The following SLC27A2 variants were observed in gnomAD, a reference collection of about 807,000 sequenced individuals.
SLC27A2 encodes the protein solute carrier family 27 member 2.
A neutral mutation model predicts 60.0 loss-of-function variants in SLC27A2; 54 were observed. The observed-to-expected ratio is 0.90, with a 90% CI of 0.72 to 1.13. The LOEUF (loss-of-function observed/expected upper bound fraction) is 1.13. Among genes scored for constraint, SLC27A2 ranks in the 50% most tolerant of loss-of-function variants. The pLI is 0.00. For synonymous variants in SLC27A2, 297 were observed against 297.6 expected (o/e 1.00, Z 0.02); for missense variants, 739 against 777.6 (o/e 0.95, Z 0.59).
At chr15:50,189,675 G>A (rs2044957815) in intron 1 of SLC27A2, among the ~76,000 whole-genome samples, 1 of 152,128 alleles carries the variant, frequency 6.6e-6, no homozygotes, top group African/African-American at 2.4e-5. Flanking sequence ...TCTGAATCAG[G>A]TGTTGTTATT....
chr15:50,196,079 T>TAA (rs1567428414), intron 1 of SLC27A2, among the ~76,000 whole-genome samples: 2 of 6,136 alleles, frequency 3.3e-4, no homozygotes, highest in Non-Finnish European at 5.2e-4. Context: ...AAAAAAAAAA[T>TAA]ATATATATAT....
At chr15:50,197,767 A>G in intron 2 of SLC27A2, 58 bp downstream of exon 2, 1 of 1,282,622 alleles carries the variant, frequency 7.8e-7, no homozygotes, top group Non-Finnish European at 1.1e-6. Flanking sequence ...AAATGTTGAC[A>G]CAGGTTTTCA....
At chr15:50,202,461 A>G in intron 2 of SLC27A2, 26 bp from the exon 3 acceptor site, 1 of 1,613,276 alleles carries the variant, frequency 6.2e-7, no homozygotes, top group Non-Finnish European at 8.5e-7. Flanking sequence ...TGGTTAACTC[A>G]TGCCTTCTCT....
intron 1 of SLC27A2, among the ~76,000 whole-genome samples, chr15:50,186,155 G>T (rs2140893611): frequency 6.6e-6 from 1 of 152,212 alleles, no homozygotes; most frequent in Middle Eastern, 3.4e-3. Flanking sequence ...GAGGTGAAAG[G>T]ATTGCTTGAG....
chr15:50,204,569 T>G (rs2045094204), intron 3 of SLC27A2, among the ~76,000 whole-genome samples: 2 of 151,530 alleles, frequency 1.3e-5, no homozygotes, highest in Non-Finnish European at 2.9e-5. Context: ...CCTTCTCTAC[T>G]AAAAATACAA....
chr15:50,225,866 G>A, intron 5 of SLC27A2, 122 bp from the exon 6 acceptor site: 1 of 576,452 alleles, frequency 1.7e-6, no homozygotes. Context: ...GCAGTTTTAA[G>A]GGTATATGCA....
chr15:50,215,031 G>A (rs2045184784), intron 4 of SLC27A2, among the ~76,000 whole-genome samples: 1 of 152,116 alleles, frequency 6.6e-6, no homozygotes, highest in South Asian at 2.1e-4. Context: ...AACTGTCACT[G>A]CTTGCTGACG....
At chr15:50,206,708 G>A (rs1279831049) in intron 4 of SLC27A2, among the ~76,000 whole-genome samples, 2 of 152,158 alleles carry the variant, frequency 1.3e-5, no homozygotes, top group East Asian at 1.9e-4. Context: ...CCGCATATGA[G>A]CAGGGGCTCT....
intron 3 of SLC27A2, among the ~76,000 whole-genome samples, chr15:50,204,459 T>C (rs371335849): frequency 8.6e-4 from 128 of 148,444 alleles, no homozygotes; most frequent in South Asian, 5.6e-3. Flanking sequence ...CCGGGCCAGG[T>C]ACGGTGGCTC....
intron 2 of SLC27A2, among the ~76,000 whole-genome samples, chr15:50,200,380 A>G (rs1050729851): frequency 3.3e-5 from 5 of 152,100 alleles, no homozygotes; most frequent in Admixed American, 2.6e-4. Context: ...GAACACCACT[A>G]CACTCCAGCC....
intron 6 of SLC27A2, 35 bp from the exon 7 acceptor site, chr15:50,226,945 A>G: frequency 6.3e-7 from 1 of 1,575,692 alleles, no homozygotes; most frequent in Non-Finnish European, 8.7e-7. Flanking sequence ...TTTGACCTCT[A>G]GCACATAAAA....
intron 1 of SLC27A2, among the ~76,000 whole-genome samples, chr15:50,192,185 T>C (rs979530496): frequency 1.3e-5 from 2 of 152,200 alleles, no homozygotes; most frequent in African/African-American, 2.4e-5. Flanking sequence ...GAATTTCCTT[T>C]CAAATTTCTT....
intron 1 of SLC27A2, among the ~76,000 whole-genome samples, chr15:50,187,964 G>A (rs1262610168): frequency 7.1e-6 from 1 of 141,458 alleles, no homozygotes; most frequent in Non-Finnish European, 1.5e-5. Context: ...GGGAGGAGAG[G>A]CCACCAAAAA....
chr15:50,205,108 A>G (rs2045100917), intron 3 of SLC27A2, 131 bp from the exon 4 acceptor site: 4 of 1,050,328 alleles, frequency 3.8e-6, no homozygotes, highest in Non-Finnish European at 5.3e-6. Flanking sequence ...TTTGAATATA[A>G]GGTACTCAAT....
chr15:50,197,718 A>G lies in SLC27A2; in HGVS notation c.688+9A>G, dbSNP rs2045035218. 1.9e-6 allele frequency: 3 copies of G among 1,598,412 alleles called. No homozygotes were observed. In the East Asian group the frequency reaches 6.7e-5, roughly 36 times the overall value. ...TACTTCTGGAACCACAGGTAAAAAT[A>G]AAGGGGGGATTCTCCAAAAAAATTA... On this transcript the variant is annotated intron_variant, in intron 2 of 9. Transcript: ENST00000267842.
At position 50,197,537 on chromosome 15, in the gene SLC27A2, T is replaced by C. The variant is rs1356259210; in HGVS notation, c.516T>C (p.Leu172=). The change falls in exon 2 of 10, where the codon CTT becomes CTC. Residue 172 remains leucine, a synonymous_variant. Coordinates refer to ENST00000267842, the MANE Select transcript of SLC27A2 (RefSeq NM_003645.4). ...QAAVEEILPS[L]KKDDVSIYYV... ...CTGTCGAAGAGATACTGCCAAGCCT[T>C]AAAAAAGATGATGTGTCCATCTATT... is the stretch of plus-strand genomic sequence containing the variant. The C allele has an allele frequency of 6.2e-6, 10 of 1,614,056 alleles. No homozygotes were observed. In the African/African-American group the frequency reaches 1.3e-4, roughly 22 times the overall value.
intron 4 of SLC27A2, among the ~76,000 whole-genome samples, chr15:50,212,692 C>A (rs1198565604): frequency 6.6e-6 from 1 of 152,144 alleles, no homozygotes; most frequent in East Asian, 1.9e-4. Flanking sequence ...CAAAACTAAG[C>A]ATCATATATG....
rs1321710838 is a variant in SLC27A2 at position 50,236,349 on chromosome 15, A to T, written c.*253A>T. On this transcript the variant is annotated 3_prime_UTR_variant, in exon 10 of 10. Transcript: ENST00000267842. ...TGTTGGAGGGAAGGCATTATTTTTTAAAATACTTAGTAAATTAAATGAACA... is the reference window on the plus strand; with the variant it reads ...TGTTGGAGGGAAGGCATTATTTTTTTAAATACTTAGTAAATTAAATGAACA... The T allele has an allele frequency of 5.7e-6, 2 of 351,534 alleles. No homozygotes were observed. Among genetic ancestry groups the T allele is most frequent in the Middle Eastern group, 7.3e-4 (1 of 1,368 alleles). 21.8% of individuals were successfully genotyped at this position (351,534 alleles called of 1,614,324 possible).
At chr15:50,204,849 G>A (rs1281216316) in intron 3 of SLC27A2, among the ~76,000 whole-genome samples, 1 of 143,838 alleles carries the variant, frequency 7.0e-6, no homozygotes, top group African/African-American at 2.7e-5. Flanking sequence ...GTATATATAT[G>A]TATGTGTGTA....
Sources: allele counts gnomAD v4.1 joint callset (sites outside exome capture counted in the v4.1 genomes callset), GRCh38; gene constraint gnomAD v4.1.1; transcripts MANE v1.5; gene names NCBI Gene and HGNC (gene_info 2026-07-23, HGNC 2026-07-21).